Variants in HPSE2 observed in about 807,000 individuals in gnomAD.
HPSE2 encodes heparanase 2 (inactive), also known as inactive heparanase-2.
In HPSE2, 38 loss-of-function variants were observed where a neutral mutation model predicts 60.5. The ratio of observed to expected loss-of-function variants is 0.63; its 90% CI spans 0.48 to 0.82. The LOEUF (loss-of-function observed/expected upper bound fraction) is 0.82. HPSE2 is among the 40% of genes least tolerant of loss of function. HPSE2 has a pLI of 0.00. For synonymous variants in HPSE2, 295 were observed against 293.2 expected (o/e 1.01, Z -0.06); for missense variants, 713 against 740.4 (o/e 0.96, Z 0.43).
chr10:99,130,257 T>G (rs1202987318), intron 3 of HPSE2, among the ~76,000 whole-genome samples: 3 of 152,178 alleles, frequency 2.0e-5, no homozygotes, highest in African/African-American at 7.2e-5. Context: ...AGAAAGAGGT[T>G]CCCTTCCTTA....
At chr10:99,132,204 AGAGAGAG>A (rs1564832922) in intron 3 of HPSE2, among the ~76,000 whole-genome samples, 16 of 21,260 alleles carry the variant, frequency 7.5e-4, no homozygotes, top group African/African-American at 1.1e-3. Context: ...AGAGAGAGAG[AGAGAGAG>A]AGAGAGAGAG....
chr10:98,629,289 C>T (rs1246330088), intron 7 of HPSE2, among the ~76,000 whole-genome samples: 1 of 152,180 alleles, frequency 6.6e-6, no homozygotes, highest in African/African-American at 2.4e-5. Context: ...CAGAATTTCA[C>T]GAAGAACAGT....
At chr10:98,498,686 G>A (rs1941932311) in intron 9 of HPSE2, among the ~76,000 whole-genome samples, 1 of 152,156 alleles carries the variant, frequency 6.6e-6, no homozygotes, top group African/African-American at 2.4e-5. Flanking sequence ...CAGGAGGTTA[G>A]TTATTAAACT....
At chr10:98,891,570 T>C (rs1953337292) in intron 3 of HPSE2, among the ~76,000 whole-genome samples, 1 of 151,556 alleles carries the variant, frequency 6.6e-6, no homozygotes, top group Admixed American at 6.6e-5. Context: ...CACCTCAGCC[T>C]CTGGAGTAGC....
rs562095149 is a variant in HPSE2, at chr10:98,688,465, C to CTTTT, written c.1004+5431_1004+5434dup. ...GTCTGAAGAATTTCCTTTAGCATTT[C>CTTTT]TTTTTTTTTTTCTTTTTTTTTTTTT... On this transcript the variant is annotated intron_variant, in intron 6 of 11. Transcript: ENST00000370552. Among the ~76,000 whole-genome samples, 198 of 103,734 alleles carry CTTTT rather than the reference C, an allele frequency of 1.9e-3. 18 individuals carry two copies. Among genetic ancestry groups the CTTTT allele is most frequent in the Middle Eastern group, 5.8e-3 (1 of 172 alleles). The allele number at this position is 103,734 out of a possible 152,430, so 68.1% of individuals were successfully genotyped here.
chr10:98,702,667 A>C (rs569897945), intron 5 of HPSE2, among the ~76,000 whole-genome samples: 1 of 152,328 alleles, frequency 6.6e-6, no homozygotes, highest in African/African-American at 2.4e-5. Context: ...AATTTGAACA[A>C]CCTGCTCCTG....
intron 8 of HPSE2, among the ~76,000 whole-genome samples, chr10:98,616,035 C>T (rs370509758): frequency 6.6e-6 from 1 of 152,110 alleles, no homozygotes; most frequent in Non-Finnish European, 1.5e-5. Flanking sequence ...TCACACTTAC[C>T]CAAGTCCTTA....
chr10:98,547,970 A>G (rs1943744296), intron 9 of HPSE2, among the ~76,000 whole-genome samples: 1 of 152,154 alleles, frequency 6.6e-6, no homozygotes, highest in Non-Finnish European at 1.5e-5. Flanking sequence ...TTCTTCTACA[A>G]TAATTCAATT....
intron 3 of HPSE2, among the ~76,000 whole-genome samples, chr10:98,928,836 T>G (rs1954558979): frequency 2.9e-5 from 2 of 68,316 alleles, no homozygotes; most frequent in African/African-American, 1.5e-4. Flanking sequence ...TGGGGACTGT[T>G]GTGGGGTGGG....
intron 7 of HPSE2, among the ~76,000 whole-genome samples, chr10:98,626,448 G>GA (rs1565027768): frequency 6.6e-6 from 1 of 152,124 alleles, no homozygotes; most frequent in East Asian, 1.9e-4. Context: ...AGAGTAGCCA[G>GA]AGCCTATCTC....
intron 9 of HPSE2, among the ~76,000 whole-genome samples, chr10:98,517,468 T>A (rs1403313616): frequency 6.6e-6 from 1 of 152,138 alleles, no homozygotes; most frequent in East Asian, 1.9e-4. Flanking sequence ...ACCTCGTAAA[T>A]ACACACGTGG....
chr10:99,093,101 GC>G (rs1182106695), intron 3 of HPSE2, among the ~76,000 whole-genome samples: 1 of 152,044 alleles, frequency 6.6e-6, no homozygotes, highest in African/African-American at 2.4e-5. Flanking sequence ...GGTGGTGTGT[GC>G]CTGTAGTCCC....
At chr10:98,566,915 T>C (rs1944363320) in intron 9 of HPSE2, among the ~76,000 whole-genome samples, 3 of 152,140 alleles carry the variant, frequency 2.0e-5, no homozygotes, top group Admixed American at 2.0e-4. Flanking sequence ...ATAAAAGATA[T>C]TTTTCCCCTC....
chr10:98,812,286 T>C (rs1951186407), intron 3 of HPSE2, among the ~76,000 whole-genome samples: 1 of 152,160 alleles, frequency 6.6e-6, no homozygotes, highest in East Asian at 1.9e-4. Flanking sequence ...GATTATCTGG[T>C]GGTGATTCTG....
intron 9 of HPSE2, among the ~76,000 whole-genome samples, chr10:98,575,937 C>A (rs1000963341): frequency 2.6e-5 from 4 of 152,126 alleles, no homozygotes; most frequent in African/African-American, 4.8e-5. Flanking sequence ...GAATTTCACT[C>A]ATCTTGTGTG....
chr10:98,900,109 T>C (rs1425475177), intron 3 of HPSE2, among the ~76,000 whole-genome samples: 1 of 152,182 alleles, frequency 6.6e-6, no homozygotes. Context: ...TAAAAGCATA[T>C]GTCTACATAA....
intron 3 of HPSE2, among the ~76,000 whole-genome samples, chr10:99,090,838 C>A (rs75700612): frequency 0.02 from 3,068 of 152,132 alleles, 98 homozygotes; most frequent in African/African-American, 0.057. Context: ...TGCTTCCACT[C>A]AAGAGCTCTG....
At chr10:98,911,106 C>A (rs1158820477) in intron 3 of HPSE2, among the ~76,000 whole-genome samples, 1 of 152,134 alleles carries the variant, frequency 6.6e-6, no homozygotes, top group East Asian at 1.9e-4. Context: ...AGAAACAAGT[C>A]TGTTGGGCAT....
intron 9 of HPSE2, among the ~76,000 whole-genome samples, chr10:98,514,379 T>C (rs1014753203): frequency 1.3e-5 from 2 of 152,168 alleles, no homozygotes; most frequent in African/African-American, 2.4e-5. Context: ...TGAATGTACT[T>C]CATAACACTG....
Sources: gnomAD v4.1 joint callset for allele counts (sites outside exome capture counted in the v4.1 genomes callset) on GRCh38, gnomAD v4.1.1 for gene constraint, MANE v1.5 for transcripts, NCBI Gene and HGNC (gene_info 2026-07-23, HGNC 2026-07-21) for gene names.